Variants in DZIP1 observed in about 807,000 individuals in gnomAD.
DZIP1 encodes cilium assembly protein DZIP1.
In DZIP1, 97 loss-of-function variants were observed where a neutral mutation model predicts 107.6. That is an observed-to-expected ratio of 0.90 (90% CI 0.77 to 1.07). DZIP1 has a LOEUF of 1.07. Ranked by LOEUF, DZIP1 falls within the 50% of genes least tolerant of loss-of-function variation. DZIP1 has a pLI of 0.00. For missense variants in DZIP1, 1,035 were observed against 1,063.6 expected (o/e 0.97, Z 0.37); for synonymous variants, 390 against 386.4 (o/e 1.01, Z -0.11).
intron 21 of DZIP1, among the ~76,000 whole-genome samples, chr13:95,585,530 A>T (rs1334059790): frequency 1.3e-5 from 2 of 152,188 alleles, no homozygotes; most frequent in African/African-American, 4.8e-5. Context: ...CCACAGAAAC[A>T]CCTCTGGCGT....
Position 95,622,492 on chromosome 13 carries a change from A to C in DZIP1, c.973-12T>G. 1 of 1,614,056 alleles carries C rather than the reference A, an allele frequency of 6.2e-7. No individual in the cohort carries two copies. Among genetic ancestry groups the C allele is most frequent in the African/African-American group, 1.3e-5 (1 of 75,028 alleles). On this transcript the variant is annotated splice_polypyrimidine_tract_variant and intron_variant, in intron 8 of 22. Coordinates refer to ENST00000376829, the MANE Select transcript of DZIP1 (RefSeq NM_198968.4). ...ATTTCTGACAGTTGCTATAAGATAA[A>C]ATTCAAGCTCAGTACTACAGTTAGA... is the stretch of plus-strand genomic sequence containing the variant.
chr13:95,608,573 C>A (rs1377727502), intron 13 of DZIP1, among the ~76,000 whole-genome samples: 2 of 149,312 alleles, frequency 1.3e-5, no homozygotes, highest in African/African-American at 4.9e-5. Flanking sequence ...GTGTTTTTTT[C>A]CTTCATTTCA....
At chr13:95,630,668 A>G in intron 6 of DZIP1, 1 of 1,182,150 alleles carries the variant, frequency 8.5e-7, no homozygotes, top group Non-Finnish European at 1.1e-6. Flanking sequence ...AAGTTGTAAA[A>G]GGAAGCAACA....
At chr13:95,630,228 G>A (rs1055354377) in intron 6 of DZIP1, 115 bp from the exon 7 acceptor site, 12 of 1,326,204 alleles carry the variant, frequency 9.0e-6, no homozygotes, top group African/African-American at 6.0e-5. Context: ...CTTGGGATAC[G>A]ATTACTTGTT....
At chr13:95,609,259 C>T (rs556235835) in intron 13 of DZIP1, among the ~76,000 whole-genome samples, 198 bp downstream of exon 13, 12 of 152,324 alleles carry the variant, frequency 7.9e-5, no homozygotes, top group Middle Eastern at 3.4e-3. Flanking sequence ...TAATCAAAAT[C>T]ACCACAACAT....
chr13:95,636,183 G>T (rs991360374), intron 5 of DZIP1, among the ~76,000 whole-genome samples: 1 of 100,638 alleles, frequency 9.9e-6, no homozygotes, highest in African/African-American at 3.3e-5. Flanking sequence ...AGTTTAAAAA[G>T]AAAGATAAAA....
At chr13:95,598,209 G>A (rs1200163676) in intron 15 of DZIP1, among the ~76,000 whole-genome samples, 2 of 152,178 alleles carry the variant, frequency 1.3e-5, no homozygotes, top group Non-Finnish European at 2.9e-5. Flanking sequence ...AGGAGGAAAT[G>A]AAGCAACTAA....
At chr13:95,585,680 A>G (rs1441217286) in intron 21 of DZIP1, among the ~76,000 whole-genome samples, 1 of 152,240 alleles carries the variant, frequency 6.6e-6, no homozygotes, top group Non-Finnish European at 1.5e-5. Context: ...AGGGTAGTGA[A>G]GAAGATCTGA....
chr13:95,641,205 GAAGA>G lies in DZIP1; in HGVS notation c.597+86_597+89del. The G allele has an allele frequency of 6.7e-7, 1 of 1,487,630 alleles. No homozygotes were observed. The highest frequency in any genetic ancestry group is 1.4e-5 in the South Asian group (1 of 72,462). 92.2% of individuals were successfully genotyped at this position (1,487,630 alleles called of 1,614,324 possible). A position where few individuals can be genotyped will look rare whatever the true frequency, so the allele number is the denominator to read the frequency against. The stretch of plus-strand genomic sequence containing the variant: ...TCTGATATACAATATAAATCTTTAA[GAAGA>G]AAGAGTGGTGATACGGGACAGGCCT... On this transcript the variant is annotated intron_variant, in intron 5 of 22. Coordinates refer to ENST00000376829, the MANE Select transcript of DZIP1 (RefSeq NM_198968.4). The surrounding 1 kb of genome is among the most constrained non-coding windows in gnomAD (Gnocchi z 4.3).
intron 21 of DZIP1, 95 bp downstream of exon 21, chr13:95,585,911 A>T (rs2044146868): frequency 1.6e-6 from 2 of 1,271,408 alleles, no homozygotes; most frequent in Middle Eastern, 2.8e-4. Flanking sequence ...CTACCAGCTA[A>T]CTATCTGTTT....
intron 8 of DZIP1, among the ~76,000 whole-genome samples, chr13:95,623,903 C>T (rs991949000): frequency 6.6e-6 from 1 of 152,152 alleles, no homozygotes; most frequent in South Asian, 2.1e-4. Context: ...TGTGCCACTA[C>T]ACTCCAGACT....
chr13:95,631,136 C>T (rs1222547338), intron 6 of DZIP1, among the ~76,000 whole-genome samples: 1 of 152,014 alleles, frequency 6.6e-6, no homozygotes, highest in African/African-American at 2.4e-5. Context: ...AGCCAAGTAC[C>T]CACGTCTAGA....
At chr13:95,615,870 C>T (rs565643481) in intron 10 of DZIP1, among the ~76,000 whole-genome samples, 69 of 152,318 alleles carry the variant, frequency 4.5e-4, no homozygotes, top group Non-Finnish European at 7.5e-4. Flanking sequence ...CTTCACAGAA[C>T]TCTTAGAAGG....
intron 20 of DZIP1, 44 bp from the exon 21 acceptor site, chr13:95,586,180 T>G: frequency 6.6e-7 from 1 of 1,510,010 alleles, no homozygotes; most frequent in Non-Finnish European, 8.9e-7. Context: ...ATTTAAAAAT[T>G]TAATCTATCT....
intron 15 of DZIP1, among the ~76,000 whole-genome samples, chr13:95,597,906 G>A (rs2044503110): frequency 6.6e-6 from 1 of 152,146 alleles, no homozygotes; most frequent in African/African-American, 2.4e-5. Context: ...GTCAGCGTCT[G>A]TGGAATCGAT....
intron 7 of DZIP1, 103 bp downstream of exon 7, chr13:95,629,886 A>T: frequency 8.0e-7 from 1 of 1,252,250 alleles, no homozygotes; most frequent in Non-Finnish European, 1.1e-6. Context: ...CATCTTGTCA[A>T]ATTCACAAAC....
intron 6 of DZIP1, 43 bp from the exon 7 acceptor site, chr13:95,630,156 A>G: frequency 6.3e-7 from 1 of 1,584,840 alleles, no homozygotes; most frequent in South Asian, 1.2e-5. Context: ...TCTCTTACCA[A>G]ATGTACCTGG....
chr13:95,591,028 T>C (rs2044298123), intron 16 of DZIP1, among the ~76,000 whole-genome samples: 1 of 150,380 alleles, frequency 6.6e-6, no homozygotes, highest in African/African-American at 2.4e-5. Context: ...ACTTCTTTTT[T>C]TTTTTTTTTT....
chr13:95,619,061 C>T (rs141699600), intron 10 of DZIP1, among the ~76,000 whole-genome samples: 183 of 145,238 alleles, frequency 1.3e-3, no homozygotes, highest in African/African-American at 4.4e-3. Context: ...TAAAAAATTA[C>T]TTACATTGCA....
Sources: gnomAD v4.1 joint callset for allele counts (sites outside exome capture counted in the v4.1 genomes callset) on GRCh38, gnomAD v4.1.1 for gene constraint, Gnocchi (gnomAD v3.1) non-coding constraint, MANE v1.5 for transcripts, NCBI Gene and HGNC (gene_info 2026-07-23, HGNC 2026-07-21) for gene names.